The following PSME4 variants were observed in gnomAD, a reference collection of about 807,000 sequenced individuals.
The protein encoded by PSME4 is proteasome activator subunit 4.
In PSME4, 89 loss-of-function variants were observed where a neutral mutation model predicts 253.9. The observed-to-expected ratio is 0.35, with a 90% CI of 0.30 to 0.42. PSME4 has a LOEUF of 0.42. PSME4 is among the 10% of genes least tolerant of loss of function. The pLI is 1.00. For synonymous variants in PSME4, 851 were observed against 759.2 expected (o/e 1.12, Z -1.99); for missense variants, 2,014 against 2,195.2 (o/e 0.92, Z 1.65).
intron 31 of PSME4, among the ~76,000 whole-genome samples, 197 bp from the exon 32 acceptor site, chr2:53,897,082 C>T (rs559782584): frequency 2.6e-5 from 4 of 152,004 alleles, no homozygotes; most frequent in South Asian, 2.1e-4. Flanking sequence ...ACAGTCTTGA[C>T]ACATGCTAGT....
At chr2:53,926,759 G>C (rs542146772) in intron 12 of PSME4, among the ~76,000 whole-genome samples, 1 of 151,908 alleles carries the variant, frequency 6.6e-6, no homozygotes, top group East Asian at 1.9e-4. Context: ...GATTACTTGA[G>C]GCCAGGAGTT....
chr2:53,940,952 C>CATATTTATATAT lies in PSME4; in HGVS notation c.501-953_501-952insATATATAAATAT, dbSNP rs61078234. Among the ~76,000 whole-genome samples, 70 of 24,024 alleles carry CATATTTATATAT rather than the reference C, an allele frequency of 2.9e-3. 16 individuals are homozygous for CATATTTATATAT. The highest frequency in any genetic ancestry group is 0.038 in the Middle Eastern group (1 of 26). The allele number at this position is 24,024 out of a possible 152,430, so 15.8% of individuals were successfully genotyped here. ...TAATACATATATAAATATATATATA[C>CATATTTATATAT]ATATATATATATATATATATATATA... On this transcript the variant is annotated intron_variant, in intron 3 of 46. Coordinates refer to ENST00000404125, the MANE Select transcript of PSME4 (RefSeq NM_014614.3).
rs370906298 is a variant in PSME4, at chr2:53,906,707, C to A, written c.2848-14G>T. 1.0e-4 allele frequency: 163 copies of A among 1,593,752 alleles called. No homozygotes were observed. Among genetic ancestry groups the A allele is most frequent in the Middle Eastern group, 1.7e-4 (1 of 5,942 alleles). ...TAGTGTCCGTAGCTAAGAAAACAATCGCAAACATTTACTAAAATTTGATTA... is the reference window on the plus strand; with the variant it reads ...TAGTGTCCGTAGCTAAGAAAACAATAGCAAACATTTACTAAAATTTGATTA... On this transcript the variant is annotated splice_polypyrimidine_tract_variant and intron_variant, in intron 25 of 46. Transcript: ENST00000404125.
At chr2:53,918,619 G>A (rs1210601703) in intron 20 of PSME4, among the ~76,000 whole-genome samples, 1 of 152,090 alleles carries the variant, frequency 6.6e-6, no homozygotes, top group Non-Finnish European at 1.5e-5. Flanking sequence ...GGCCTCTGCT[G>A]ATTTTATTCT....
rs372423698 is a variant in PSME4 at position 53,896,769 on chromosome 2, G to A, written c.3688+35C>T. The A allele has an allele frequency of 6.7e-6, 10 of 1,503,566 alleles. No homozygotes were observed. The African/African-American group carries it at 1.2e-4, about 19-fold the overall frequency. The allele number at this position is 1,503,566 out of a possible 1,614,324, so 93.1% of individuals were successfully genotyped here. Reference sequence around the variant, plus strand: ...TCAAGAAAATTTTCTGAGTTTTATTGGAAAGCACTATTAATTACTTCTGGT... The same window carrying A: ...TCAAGAAAATTTTCTGAGTTTTATTAGAAAGCACTATTAATTACTTCTGGT... On this transcript the variant is annotated intron_variant, in intron 32 of 46. Coordinates refer to ENST00000404125, the MANE Select transcript of PSME4 (RefSeq NM_014614.3).
chr2:53,919,925 A>T (rs148802521), intron 19 of PSME4, among the ~76,000 whole-genome samples: 3 of 152,178 alleles, frequency 2.0e-5, no homozygotes, highest in African/African-American at 4.8e-5. Flanking sequence ...GCATATCTAC[A>T]CACACCTTCC....
intron 3 of PSME4, among the ~76,000 whole-genome samples, chr2:53,940,960 T>C (rs10166829): frequency 0.036 from 979 of 27,104 alleles, 101 homozygotes; most frequent in African/African-American, 0.1. Context: ...TACATATATA[T>C]ATATATATAT....
chr2:53,928,268 T>A lies in PSME4; in HGVS notation c.1352A>T (p.His451Leu). ...YPALETLTEP[H>L]QLTATLSCVI... is the part of the protein sequence containing the mutation. ...ACAACTTAAAGTAGCTGTGAGCTGG[T>A]GAGGTTCTGTTAATGTCTCTAATGC... Residue 451 changes from histidine (H) to leucine (L), a missense_variant, in exon 11 of 47, where the codon CAC becomes CTC. This residue lies in a region of PSME4 where 615 missense variants were observed against 594.4 expected (regional missense o/e 1.03). Transcript: ENST00000404125. 6.2e-7 allele frequency: 1 copy of A among 1,614,176 alleles called. No individual in the cohort carries two copies. Among genetic ancestry groups the A allele is most frequent in the Non-Finnish European group, 8.5e-7 (1 of 1,180,008 alleles).
At chr2:53,929,713 C>T (rs1378949521) in intron 10 of PSME4, among the ~76,000 whole-genome samples, 2 of 151,602 alleles carry the variant, frequency 1.3e-5, no homozygotes, top group Admixed American at 6.6e-5. Flanking sequence ...AAAAGTTTTG[C>T]TTTTATTAAA....
chr2:53,923,467 A>G, intron 14 of PSME4, 48 bp from the exon 15 acceptor site: 2 of 1,518,404 alleles, frequency 1.3e-6, no homozygotes, highest in Non-Finnish European at 1.8e-6. Flanking sequence ...AGAAAATTAA[A>G]CATCTTACAG....
In PSME4 at chr2:53,896,694, T is replaced by G. The variant is rs1573235132; in HGVS notation, c.3688+110A>C. 9 of 771,658 alleles carry G rather than the reference T, an allele frequency of 1.2e-5. No individual in the cohort carries two copies. In the East Asian group the frequency reaches 1.8e-4, roughly 15 times the overall value. 47.8% of individuals were successfully genotyped at this position (771,658 alleles called of 1,614,324 possible). ...TTCATAATATTATTTATATTTTGTG[T>G]TAATATCCATAGAACAATATTTGAG... On this transcript the variant is annotated intron_variant, in intron 32 of 46. Coordinates refer to ENST00000404125, the MANE Select transcript of PSME4 (RefSeq NM_014614.3).
chr2:53,866,405 C>T (rs1678566804), intron 45 of PSME4, among the ~76,000 whole-genome samples, 182 bp from the exon 46 acceptor site: 1 of 152,168 alleles, frequency 6.6e-6, no homozygotes, highest in Non-Finnish European at 1.5e-5. Context: ...CTAAAAATGC[C>T]ATCATAATTT....
At chr2:53,953,733 G>GT (rs1670106329) in intron 1 of PSME4, among the ~76,000 whole-genome samples, 2 of 151,888 alleles carry the variant, frequency 1.3e-5, no homozygotes, top group Admixed American at 6.6e-5. Flanking sequence ...ACTTTAGACT[G>GT]TATCTACAGA....
At chr2:53,897,823 C>T (rs373302526) in intron 31 of PSME4, 47 bp downstream of exon 31, 85 of 1,579,152 alleles carry the variant, frequency 5.4e-5, no homozygotes, top group East Asian at 1.1e-4. Flanking sequence ...CTTCAGGTCA[C>T]GTACATATTC....
At chr2:53,929,455 G>A (rs1047560645) in intron 10 of PSME4, among the ~76,000 whole-genome samples, 1 of 151,972 alleles carries the variant, frequency 6.6e-6, no homozygotes, top group Non-Finnish European at 1.5e-5. Context: ...ACCACTCCCG[G>A]CTAACTTTTG....
At chr2:53,903,699 C>T (rs115529502) in intron 27 of PSME4, among the ~76,000 whole-genome samples, 4,922 of 152,194 alleles carry the variant, frequency 0.032, 105 homozygotes, top group Non-Finnish European at 0.046. Context: ...TCAAGTTAAA[C>T]AATTATTTTC....
At chr2:53,938,954 T>G (rs1457713515) in intron 4 of PSME4, among the ~76,000 whole-genome samples, 2 of 152,230 alleles carry the variant, frequency 1.3e-5, no homozygotes, top group African/African-American at 4.8e-5. Context: ...ATTCAATTGT[T>G]AACCCTGTAA....
intron 12 of PSME4, among the ~76,000 whole-genome samples, chr2:53,927,033 T>A (rs891750674): frequency 1.1e-4 from 16 of 151,896 alleles, no homozygotes; most frequent in African/African-American, 3.9e-4. Flanking sequence ...CAGAAATGAA[T>A]GAAGAAAATC....
At chr2:53,927,279 G>C in intron 12 of PSME4, 115 bp downstream of exon 12, 1 of 754,760 alleles carries the variant, frequency 1.3e-6, no homozygotes, top group Non-Finnish European at 2.3e-6. Context: ...TACCATTCTA[G>C]TCACAAAATA....
Sources: gnomAD v4.1 joint callset for allele counts (sites outside exome capture counted in the v4.1 genomes callset) on GRCh38, gnomAD v4.1.1 for gene constraint, gnomAD v4.1.1 regional missense constraint, MANE v1.5 for transcripts, NCBI Gene and HGNC (gene_info 2026-07-23, HGNC 2026-07-21) for gene names.